The following STK32B variants were observed in gnomAD, a reference collection of about 807,000 sequenced individuals.
STK32B encodes serine/threonine kinase 32B, also known as serine/threonine-protein kinase 32B.
Under a neutral mutation model 52.6 loss-of-function variants are expected in STK32B, and 43 were observed. That is an observed-to-expected ratio of 0.82 (90% CI 0.64 to 1.05). STK32B has a LOEUF of 1.05. Ranked by LOEUF, STK32B falls within the 50% of genes least tolerant of loss-of-function variation. STK32B has a pLI of 0.00. For missense variants in STK32B, 621 were observed against 534.6 expected, an observed-to-expected ratio of 1.16 and a Z score of -1.59; for synonymous variants, 238 against 204.3, an observed-to-expected ratio of 1.17 and a Z score of -1.41.
intron 3 of STK32B, among the ~76,000 whole-genome samples, chr4:5,325,579 T>C (rs1731817892): frequency 6.6e-6 from 1 of 152,204 alleles, no homozygotes; most frequent in South Asian, 2.1e-4. Flanking sequence ...ACCTGAATCC[T>C]TTCTGGAACA....
chr4:5,459,282 G>GCCCCCC (rs55688341), intron 8 of STK32B, among the ~76,000 whole-genome samples: 18 of 133,104 alleles, frequency 1.4e-4, no homozygotes, highest in East Asian at 2.8e-4. Flanking sequence ...ACCCTGGTGT[G>GCCCCCC]CCCCCCCCCC....
At chr4:5,254,679 T>C (rs947268286) in intron 3 of STK32B, among the ~76,000 whole-genome samples, 1 of 152,200 alleles carries the variant, frequency 6.6e-6, no homozygotes, top group Non-Finnish European at 1.5e-5. Context: ...TGTTTAGCTT[T>C]TTCTTATTGA....
chr4:5,160,150 A>C (rs1382068767), intron 2 of STK32B, among the ~76,000 whole-genome samples: 1 of 152,174 alleles, frequency 6.6e-6, no homozygotes, highest in Non-Finnish European at 1.5e-5. Context: ...CAGTTGACAC[A>C]GAAAACTAAC....
At chr4:5,083,559 T>A (rs1712552908) in intron 1 of STK32B, among the ~76,000 whole-genome samples, 1 of 152,226 alleles carries the variant, frequency 6.6e-6, no homozygotes, top group African/African-American at 2.4e-5. Context: ...TAGTACATGC[T>A]CAATAAATGG....
At chr4:5,318,817 T>C (rs1214404812) in intron 3 of STK32B, among the ~76,000 whole-genome samples, 4 of 148,590 alleles carry the variant, frequency 2.7e-5, no homozygotes, top group Admixed American at 1.3e-4. Flanking sequence ...TTTTTTTTTT[T>C]GAGACGGAGT....
rs1718233215 is a variant in STK32B, at chr4:5,159,652, AATATATATATGAATGTATATGAAT to A, written c.109-8638_109-8615del. ...ATGAATATATATATGAATGTATATG[AATATATATATGAATGTATATGAAT>A]ATATATATGAATATATATGAATATA... On this transcript the variant is annotated intron_variant, in intron 2 of 11. Coordinates refer to ENST00000282908, the MANE Select transcript of STK32B (RefSeq NM_018401.3). Among the ~76,000 whole-genome samples the A allele has an allele frequency of 1.3e-4, 11 of 86,616 alleles. 2 individuals carry two copies. The highest frequency in any genetic ancestry group is 6.3e-4 in the African/African-American group (9 of 14,274). 56.8% of individuals were successfully genotyped at this position (86,616 alleles called of 152,430 possible).
chr4:5,144,653 A>T (rs1188359794), intron 2 of STK32B, among the ~76,000 whole-genome samples: 1 of 152,162 alleles, frequency 6.6e-6, no homozygotes, highest in Non-Finnish European at 1.5e-5. Context: ...GAAACTGTAC[A>T]GCTCTGGGCT....
At chr4:5,098,159 C>A (rs974253638) in intron 1 of STK32B, among the ~76,000 whole-genome samples, 1 of 152,192 alleles carries the variant, frequency 6.6e-6, no homozygotes, top group Non-Finnish European at 1.5e-5. Flanking sequence ...CAGAAATAGA[C>A]CCCATCTCTT....
intron 1 of STK32B, among the ~76,000 whole-genome samples, chr4:5,119,794 G>A (rs1456906838): frequency 6.6e-6 from 1 of 152,238 alleles, no homozygotes; most frequent in Non-Finnish European, 1.5e-5. Context: ...GTATTCTGAA[G>A]CTAATGTGCT....
At chr4:5,076,360 G>T (rs1232642845) in intron 1 of STK32B, among the ~76,000 whole-genome samples, 3 of 151,970 alleles carry the variant, frequency 2.0e-5, no homozygotes, top group Non-Finnish European at 4.4e-5. Flanking sequence ...CCCTATTTTG[G>T]GGGCATTTAG....
chr4:5,238,252 C>A (rs767092753), intron 3 of STK32B, among the ~76,000 whole-genome samples: 1 of 152,138 alleles, frequency 6.6e-6, no homozygotes, highest in African/African-American at 2.4e-5. Flanking sequence ...GAGGCTCCTT[C>A]CTTGCCTTCT....
At chr4:5,132,983 G>A (rs1715869813) in intron 1 of STK32B, among the ~76,000 whole-genome samples, 1 of 151,996 alleles carries the variant, frequency 6.6e-6, no homozygotes, top group South Asian at 2.1e-4. Context: ...ATTTTTAGGA[G>A]AGATGGGGTT....
chr4:5,274,391 G>T (rs969732825), intron 3 of STK32B, among the ~76,000 whole-genome samples: 1 of 152,104 alleles, frequency 6.6e-6, no homozygotes, highest in African/African-American at 2.4e-5. Context: ...ATGGTGGGGG[G>T]TAGGGTGGGA....
At chr4:5,172,520 G>T (rs1033134903) in intron 3 of STK32B, among the ~76,000 whole-genome samples, 27 of 151,870 alleles carry the variant, frequency 1.8e-4, no homozygotes, top group East Asian at 1.2e-3. Flanking sequence ...TAGCATGAAG[G>T]GTTGTTGAAT....
At chr4:5,251,417 C>T (rs567867492) in intron 3 of STK32B, among the ~76,000 whole-genome samples, 1 of 152,178 alleles carries the variant, frequency 6.6e-6, no homozygotes, top group South Asian at 2.1e-4. Flanking sequence ...TATTTCTGGG[C>T]TCTGTATTCT....
intron 3 of STK32B, among the ~76,000 whole-genome samples, chr4:5,231,939 A>G (rs1191052097): frequency 6.6e-6 from 1 of 152,210 alleles, no homozygotes; most frequent in Non-Finnish European, 1.5e-5. Context: ...ACAAAGATAC[A>G]CAGAAGAAAG....
intron 1 of STK32B, among the ~76,000 whole-genome samples, chr4:5,119,499 G>T (rs1714912839): frequency 6.6e-6 from 1 of 152,240 alleles, no homozygotes; most frequent in African/African-American, 2.4e-5. Flanking sequence ...ACAGTGGGAA[G>T]CATGAGAATT....
chr4:5,312,502 T>G (rs1434201945), intron 3 of STK32B, among the ~76,000 whole-genome samples: 1 of 151,270 alleles, frequency 6.6e-6, no homozygotes, highest in Non-Finnish European at 1.5e-5. Flanking sequence ...GTGTTCTCAT[T>G]GTTCAATTCC....
intron 3 of STK32B, among the ~76,000 whole-genome samples, chr4:5,184,151 C>T (rs914614126): frequency 2.2e-4 from 34 of 152,178 alleles, no homozygotes; most frequent in African/African-American, 7.7e-4. Context: ...ACATGCCTTC[C>T]TCACTAAGCT....
Sources: allele counts gnomAD v4.1 joint callset (sites outside exome capture counted in the v4.1 genomes callset), GRCh38; gene constraint gnomAD v4.1.1; transcripts MANE v1.5; gene names NCBI Gene and HGNC (gene_info 2026-07-23, HGNC 2026-07-21).